The following COG5 variants were observed in gnomAD, a reference collection of about 807,000 sequenced individuals.
COG5 encodes the protein component of oligomeric golgi complex 5, also known as conserved oligomeric Golgi complex subunit 5.
COG5 carries 86 observed loss-of-function variants against 110.4 expected under a neutral mutation model. The ratio of observed to expected loss-of-function variants is 0.78; its 90% CI spans 0.65 to 0.93. COG5 has a LOEUF of 0.93. COG5 is among the 40% of genes least tolerant of loss of function. The probability of loss-of-function intolerance (pLI) is 0.00; values close to 1 mark genes in which losing one functional copy is unlikely to be tolerated. For missense variants in COG5, 1,077 were observed against 987.0 expected, an observed-to-expected ratio of 1.09 and a Z score of -1.22; for synonymous variants, 360 against 334.6, an observed-to-expected ratio of 1.08 and a Z score of -0.83.
At chr7:107,318,084 G>C (rs1237997018) in intron 11 of COG5, among the ~76,000 whole-genome samples, 1 of 151,992 alleles carries the variant, frequency 6.6e-6, no homozygotes, top group African/African-American at 2.4e-5. Context: ...CTGGAGTGCA[G>C]TGGGGCCATC....
chr7:107,280,060 C>T (rs1805042073), intron 14 of COG5, among the ~76,000 whole-genome samples: 1 of 151,962 alleles, frequency 6.6e-6, no homozygotes, highest in Non-Finnish European at 1.5e-5. Flanking sequence ...TCAGTAATTA[C>T]ACTATACTCT....
chr7:107,258,328 C>G lies in COG5; in HGVS notation c.1631G>C (p.Arg544Thr). 6.2e-7 allele frequency: 1 copy of G among 1,613,466 alleles called. No homozygotes were observed. Among genetic ancestry groups the G allele is most frequent in the South Asian group, 1.1e-5 (1 of 91,070 alleles). The change falls in exon 15 of 22, where the codon AGA becomes ACA. Residue 544 changes from arginine to threonine, a missense_variant. Transcript: ENST00000297135. ...QVIGPLTEGQ[R>T]RNVAVVNSLY... ...TGAATTCACTACTGCCACATTTCTT[C>G]TCTGTCCTTCAGTAAGAGGCCCAAT...
At chr7:107,479,147 T>C (rs532233810) in intron 6 of COG5, among the ~76,000 whole-genome samples, 5 of 152,208 alleles carry the variant, frequency 3.3e-5, no homozygotes, top group South Asian at 2.1e-4. Context: ...AAGTTCTTAA[T>C]AGACTTTAGA....
intron 17 of COG5, among the ~76,000 whole-genome samples, chr7:107,242,939 G>A (rs1740527755): frequency 1.3e-5 from 2 of 152,086 alleles, no homozygotes; most frequent in Non-Finnish European, 2.9e-5. Flanking sequence ...AAGGAACACT[G>A]AGATCACCCT....
chr7:107,342,529 T>G (rs1019734295), intron 10 of COG5, among the ~76,000 whole-genome samples: 1 of 151,840 alleles, frequency 6.6e-6, no homozygotes, highest in African/African-American at 2.4e-5. Flanking sequence ...AGTACAAAAA[T>G]TAGCTGGGCA....
chr7:107,497,546 T>C (rs531699542), intron 6 of COG5, among the ~76,000 whole-genome samples: 2 of 152,180 alleles, frequency 1.3e-5, no homozygotes, highest in Admixed American at 6.5e-5. Context: ...TCATTTACAA[T>C]TGCATCCAAA....
chr7:107,216,501 G>A (rs1178175728), intron 19 of COG5, among the ~76,000 whole-genome samples: 1 of 152,154 alleles, frequency 6.6e-6, no homozygotes, highest in African/African-American at 2.4e-5. Flanking sequence ...ATGTTAGGTC[G>A]CAAACCAAGT....
intron 8 of COG5, among the ~76,000 whole-genome samples, chr7:107,370,781 T>TAAAA (rs71314692): frequency 2.0e-5 from 2 of 101,540 alleles, no homozygotes; most frequent in Admixed American, 1.1e-4. Flanking sequence ...AAACTCCAGC[T>TAAAA]AAAAAAAAAA....
At chr7:107,387,375 C>T (rs1428171635) in intron 7 of COG5, among the ~76,000 whole-genome samples, 1 of 152,172 alleles carries the variant, frequency 6.6e-6, no homozygotes, top group Admixed American at 6.5e-5. Context: ...AAAGCAGCAG[C>T]GCCTAAGCAA....
intron 3 of COG5, 90 bp from the exon 4 acceptor site, chr7:107,548,422 A>G (rs1802632655): frequency 8.1e-7 from 1 of 1,240,618 alleles, no homozygotes; most frequent in East Asian, 2.3e-5. Context: ...ACATGCATAT[A>G]TAATTTTAAC....
rs572709913 is a variant in COG5 at position 107,410,863 on chromosome 7, TGATACTAATGACA to T, written c.669+1626_669+1638del. Among the ~76,000 whole-genome samples the T allele has an allele frequency of 4.4e-3, 674 of 152,202 alleles. 2 individuals carry two copies. The highest frequency in any genetic ancestry group is 0.016 in the African/African-American group (645 of 41,512). On this transcript the variant is annotated intron_variant, in intron 7 of 21. Coordinates refer to ENST00000297135, the MANE Select transcript of COG5 (RefSeq NM_006348.5). ...AGAGACACTGGAGACTTAGACCAAA[TGATACTAATGACA>T]ATATTCAACGTTGATAAGGAGGGAA...
chr7:107,536,775 A>G (rs548354038), intron 5 of COG5, among the ~76,000 whole-genome samples: 21 of 152,216 alleles, frequency 1.4e-4, no homozygotes, highest in Non-Finnish European at 1.3e-4. Context: ...TAAATTTCAT[A>G]TGGAACCAAA....
chr7:107,329,785 A>C (rs1810090112), intron 10 of COG5, among the ~76,000 whole-genome samples: 1 of 152,126 alleles, frequency 6.6e-6, no homozygotes, highest in African/African-American at 2.4e-5. Context: ...GGTCTCAGCT[A>C]CTTTGGAGGC....
intron 6 of COG5, among the ~76,000 whole-genome samples, chr7:107,460,720 C>T (rs1173377140): frequency 6.6e-6 from 1 of 151,270 alleles, no homozygotes; most frequent in African/African-American, 2.4e-5. Context: ...TGTAGGCAAA[C>T]TCAAAAAGAA....
intron 6 of COG5, among the ~76,000 whole-genome samples, chr7:107,430,935 A>C (rs944838611): frequency 6.6e-6 from 1 of 152,108 alleles, no homozygotes; most frequent in Non-Finnish European, 1.5e-5. Context: ...TGGAAGCAGG[A>C]GGAGAAAAGG....
chr7:107,374,720 T>C (rs1176838755), intron 7 of COG5, among the ~76,000 whole-genome samples: 2 of 152,030 alleles, frequency 1.3e-5, no homozygotes, highest in Admixed American at 6.5e-5. Context: ...AAGAAGTATA[T>C]ATTACAGCAT....
At chr7:107,405,401 C>A (rs1398442647) in intron 7 of COG5, among the ~76,000 whole-genome samples, 1 of 152,160 alleles carries the variant, frequency 6.6e-6, no homozygotes, top group Admixed American at 6.5e-5. Flanking sequence ...AAGGCACTAG[C>A]TCCCAAACAC....
At chr7:107,362,451 A>C in intron 8 of COG5, 31 bp from the exon 9 acceptor site, 1 of 1,498,656 alleles carries the variant, frequency 6.7e-7, no homozygotes, top group South Asian at 1.1e-5. Flanking sequence ...ACAATGAAAA[A>C]TAAAGTTTTC....
At chr7:107,343,847 T>C (rs371748848) in intron 10 of COG5, among the ~76,000 whole-genome samples, 4 of 151,608 alleles carry the variant, frequency 2.6e-5, no homozygotes, top group African/African-American at 9.7e-5. Flanking sequence ...ATATTACCAA[T>C]GATGAGTAAT....
Sources: gnomAD v4.1 joint callset for allele counts (sites outside exome capture counted in the v4.1 genomes callset) on GRCh38, gnomAD v4.1.1 for gene constraint, MANE v1.5 for transcripts, NCBI Gene and HGNC (gene_info 2026-07-23, HGNC 2026-07-21) for gene names.